FHIT: variants seen among roughly 807,000 people sequenced by gnomAD.
FHIT encodes the protein fragile histidine triad diadenosine triphosphatase.
Under a neutral mutation model 17.9 loss-of-function variants are expected in FHIT, and 19 were observed. That is an observed-to-expected ratio of 1.06 (90% CI 0.74 to 1.56). The LOEUF (loss-of-function observed/expected upper bound fraction) is 1.56. Ranked by LOEUF, FHIT falls within the 40% of genes most tolerant of loss-of-function variation. The pLI is 0.00. For missense variants in FHIT, 248 were observed against 189.2 expected (o/e 1.31, Z -1.82); for synonymous variants, 81 against 69.7 (o/e 1.16, Z -0.81).
intron 4 of FHIT, among the ~76,000 whole-genome samples, chr3:60,674,044 T>A (rs1276799018): frequency 1.3e-5 from 2 of 152,112 alleles, no homozygotes. Context: ...GTACAAATGT[T>A]AGACTTCTCG....
chr3:60,641,115 G>T (rs1343827989), intron 4 of FHIT, among the ~76,000 whole-genome samples: 3 of 152,150 alleles, frequency 2.0e-5, no homozygotes, highest in Non-Finnish European at 4.4e-5. Context: ...GGGAGGTGGA[G>T]GTTGTAGTAA....
intron 7 of FHIT, among the ~76,000 whole-genome samples, chr3:60,005,086 T>C (rs1009207717): frequency 1.3e-5 from 2 of 152,144 alleles, no homozygotes; most frequent in Non-Finnish European, 2.9e-5. Flanking sequence ...CCCAGAGTCC[T>C]CCCTCTTCAT....
chr3:60,813,776 C>T (rs562206907), intron 4 of FHIT, among the ~76,000 whole-genome samples: 97 of 152,278 alleles, frequency 6.4e-4, no homozygotes, highest in African/African-American at 2.2e-3. Context: ...GGAATTTTAT[C>T]AAGTCTATAT....
chr3:60,104,572 T>G (rs1704330094), intron 5 of FHIT, among the ~76,000 whole-genome samples: 1 of 151,248 alleles, frequency 6.6e-6, no homozygotes, highest in Non-Finnish European at 1.5e-5. Flanking sequence ...TGCAATGCAG[T>G]GAATAGTGAT....
chr3:59,917,776 T>C (rs1705203682), intron 8 of FHIT, among the ~76,000 whole-genome samples: 1 of 152,106 alleles, frequency 6.6e-6, no homozygotes, highest in Non-Finnish European at 1.5e-5. Flanking sequence ...GAACAGAAGG[T>C]GAAAACAAAC....
intron 5 of FHIT, among the ~76,000 whole-genome samples, chr3:60,410,478 T>C (rs1234082929): frequency 1.3e-5 from 2 of 152,206 alleles, no homozygotes; most frequent in African/African-American, 2.4e-5. Flanking sequence ...GATAAAAGAA[T>C]TGTAATACGT....
At chr3:60,155,264 A>C (rs957294003) in intron 5 of FHIT, among the ~76,000 whole-genome samples, 3 of 151,870 alleles carry the variant, frequency 2.0e-5, no homozygotes, top group African/African-American at 7.3e-5. Flanking sequence ...CACGGCTGTC[A>C]GTGCTTTTTC....
chr3:60,241,993 A>T (rs1033851513), intron 5 of FHIT, among the ~76,000 whole-genome samples: 1 of 152,160 alleles, frequency 6.6e-6, no homozygotes, highest in Non-Finnish European at 1.5e-5. Flanking sequence ...ATGACTAATC[A>T]CAATTATTGG....
chr3:60,163,603 C>T (rs1701033021), intron 5 of FHIT, among the ~76,000 whole-genome samples: 1 of 152,146 alleles, frequency 6.6e-6, no homozygotes, highest in Non-Finnish European at 1.5e-5. Context: ...TCAGACCTCC[C>T]TGGAGGAAGC....
At chr3:59,903,513 G>T (rs1324568984) in intron 8 of FHIT, among the ~76,000 whole-genome samples, 2 of 152,146 alleles carry the variant, frequency 1.3e-5, no homozygotes, top group African/African-American at 2.4e-5. Context: ...AAATAAAAAT[G>T]GTCACTACGG....
At chr3:59,900,765 C>G (rs774459059) in intron 8 of FHIT, among the ~76,000 whole-genome samples, 2 of 152,080 alleles carry the variant, frequency 1.3e-5, no homozygotes, top group Non-Finnish European at 2.9e-5. Context: ...AGGCACCCAC[C>G]ACCATGCTTG....
chr3:59,770,806 A>G (rs1221073699), intron 8 of FHIT, among the ~76,000 whole-genome samples: 1 of 152,196 alleles, frequency 6.6e-6, no homozygotes, highest in Non-Finnish European at 1.5e-5. Flanking sequence ...GTCAAGTGGC[A>G]GGGAAGGAGT....
chr3:60,195,666 A>G (rs1220585345), intron 5 of FHIT, among the ~76,000 whole-genome samples: 2 of 148,480 alleles, frequency 1.3e-5, no homozygotes, highest in Admixed American at 6.8e-5. Flanking sequence ...ACACATATAT[A>G]TATGTATACC....
chr3:59,973,208 C>A, intron 7 of FHIT, among the ~76,000 whole-genome samples: 1 of 152,118 alleles, frequency 6.6e-6, no homozygotes, highest in East Asian at 1.9e-4. Context: ...AATCTGTCTT[C>A]CATCCTAACC....
intron 8 of FHIT, among the ~76,000 whole-genome samples, chr3:59,756,544 G>C (rs902053155): frequency 3.3e-5 from 5 of 152,134 alleles, no homozygotes; most frequent in African/African-American, 1.2e-4. Context: ...ATACAGTATT[G>C]AGACGACATC....
At chr3:60,840,625 T>C (rs782271258) in intron 3 of FHIT, among the ~76,000 whole-genome samples, 2 of 152,226 alleles carry the variant, frequency 1.3e-5, no homozygotes, top group Non-Finnish European at 2.9e-5. Flanking sequence ...TTATTTAGAA[T>C]TGATTGTACA....
chr3:60,023,576 TGG>T lies in FHIT; in HGVS notation c.104-9426_104-9425del, dbSNP rs1217837234. Among the ~76,000 whole-genome samples the T allele has an allele frequency of 2.6e-5, 4 of 152,184 alleles. No individual in the cohort carries two copies. The East Asian group carries it at 5.8e-4, about 22-fold the overall frequency. ...TCTTCCATATAGCTGGCCAAGCCAA[TGG>T]AGCAACCAGACAACACAGTTCAGAT... is the stretch of plus-strand genomic sequence containing the variant. On this transcript the variant is annotated intron_variant, in intron 5 of 9. Coordinates refer to ENST00000492590, the MANE Select transcript of FHIT (RefSeq NM_002012.4).
chr3:60,891,038 T>C (rs1196202282), intron 3 of FHIT, among the ~76,000 whole-genome samples: 1 of 152,196 alleles, frequency 6.6e-6, no homozygotes, highest in Non-Finnish European at 1.5e-5. Context: ...TAGGATTTAA[T>C]TGATGCCAAA....
chr3:60,393,786 A>T (rs879781146), intron 5 of FHIT, among the ~76,000 whole-genome samples: 1 of 152,182 alleles, frequency 6.6e-6, no homozygotes, highest in African/African-American at 2.4e-5. Flanking sequence ...TCTTATCCCC[A>T]CATGGCAACG....
Sources: gnomAD v4.1 joint callset for allele counts (sites outside exome capture counted in the v4.1 genomes callset) on GRCh38, gnomAD v4.1.1 for gene constraint, MANE v1.5 for transcripts, NCBI Gene and HGNC (gene_info 2026-07-23, HGNC 2026-07-21) for gene names.